Variants in UNC79 observed in about 807,000 individuals in gnomAD.
UNC79 encodes the protein protein unc-79 homolog.
A neutral mutation model predicts 283.1 loss-of-function variants in UNC79; 37 were observed. That is an observed-to-expected ratio of 0.13 (90% CI 0.10 to 0.17). The LOEUF (loss-of-function observed/expected upper bound fraction) is 0.17. Among genes scored for constraint, UNC79 ranks in the 10% least tolerant of loss-of-function variants. The probability of loss-of-function intolerance (pLI) is 1.00; values close to 1 mark genes in which losing one functional copy is unlikely to be tolerated. For missense variants in UNC79, 2,272 were observed against 3,211.1 expected (o/e 0.71, Z 7.07); for synonymous variants, 1,107 against 1,200.2 (o/e 0.92, Z 1.61).
At chr14:93,440,464 T>G (rs1397132746) in intron 1 of UNC79, among the ~76,000 whole-genome samples, 1 of 152,016 alleles carries the variant, frequency 6.6e-6, no homozygotes, top group Non-Finnish European at 1.5e-5. Context: ...TAATTTCTGA[T>G]TATTTTTTCC....
rs1407532759 is a variant in UNC79, at chr14:93,347,430, G to T, written c.-351+13907G>T. 5.5e-6 allele frequency: 8 copies of T among 1,446,234 alleles called. No individual in the cohort carries two copies. In the African/African-American group the frequency reaches 1.2e-4, roughly 21 times the overall value. 89.6% of individuals were successfully genotyped at this position (1,446,234 alleles called of 1,614,324 possible). Reference sequence around the variant, plus strand: ...GCCCAGCCATCATGGTGGGCGGGAAGCGCGTGGCCCTGGCGGGGCGCCCCG... The same window carrying T: ...GCCCAGCCATCATGGTGGGCGGGAATCGCGTGGCCCTGGCGGGGCGCCCCG... On this transcript the variant is annotated intron_variant, in intron 1 of 49. Transcript: ENST00000256339.
chr14:93,399,374 GA>G (rs1372993180), intron 1 of UNC79, among the ~76,000 whole-genome samples: 1 of 152,086 alleles, frequency 6.6e-6, no homozygotes, highest in Non-Finnish European at 1.5e-5. Context: ...TTTTAAATAG[GA>G]ATTCCGCCGA....
upstream of UNC79, among the ~76,000 whole-genome samples, chr14:93,427,493 C>G (rs1313697432): frequency 1.3e-5 from 2 of 152,050 alleles, no homozygotes; most frequent in East Asian, 3.8e-4. Flanking sequence ...TGTAATTACC[C>G]TATCTAAAAT....
exon 1 of UNC79, chr14:93,333,389 T>G (rs2053498867): frequency 2.5e-6 from 1 of 398,552 alleles, no homozygotes; most frequent in Admixed American, 4.4e-5. Flanking sequence ...CATGTTTCCG[T>G]TCGGCGGCCG....
At chr14:93,662,562 G>T (rs1459572321) in intron 39 of UNC79, 42 bp from the exon 43 acceptor site, 4 of 1,297,792 alleles carry the variant, frequency 3.1e-6, no homozygotes, top group Non-Finnish European at 4.4e-6. Context: ...TTGAAATGAA[G>T]TAATCAGCAA....
At chr14:93,435,712 A>G (rs998779529) in intron 1 of UNC79, among the ~76,000 whole-genome samples, 2 of 152,116 alleles carry the variant, frequency 1.3e-5, no homozygotes, top group African/African-American at 4.8e-5. Context: ...GTCTTCCTAA[A>G]CTTTTTACTC....
chr14:93,339,895 G>C (rs575118568), intron 1 of UNC79, among the ~76,000 whole-genome samples: 5 of 152,232 alleles, frequency 3.3e-5, no homozygotes, highest in Non-Finnish European at 4.4e-5. Flanking sequence ...CTGACTTGTG[G>C]ATTGGCTTGA....
chr14:93,365,867 T>G (rs1401353184), intron 1 of UNC79, among the ~76,000 whole-genome samples: 1 of 152,006 alleles, frequency 6.6e-6, no homozygotes, highest in African/African-American at 2.4e-5. Context: ...GAGCTGGAAA[T>G]GATAAAAGGC....
At chr14:93,523,942 A>G (rs760523860) in intron 7 of UNC79, 36 bp from the exon 8 acceptor site, 21 of 1,609,042 alleles carry the variant, frequency 1.3e-5, no homozygotes, top group Middle Eastern at 1.6e-4. Context: ...AATAATTTCA[A>G]TGAGAAGTAT....
intron 30 of UNC79, 39 bp from the exon 33 acceptor site, chr14:93,630,762 A>G: frequency 6.4e-7 from 1 of 1,561,590 alleles, no homozygotes; most frequent in Non-Finnish European, 8.8e-7. Flanking sequence ...CTTGCTTTTA[A>G]TCAGTGTCCT....
In UNC79 at chr14:93,430,433, T is replaced by G. The variant is rs1674471602; in HGVS notation, c.-597T>G. ...TCCTCGCGCCCTCCGGCCCCGGCGCTCCAGCCCGCCCCGGATCCGCCTCCC... is the reference window on the plus strand; with the variant it reads ...TCCTCGCGCCCTCCGGCCCCGGCGCGCCAGCCCGCCCCGGATCCGCCTCCC... On this transcript the variant is annotated 5_prime_UTR_variant, in exon 1 of 49. Transcript: ENST00000555664. This position sits in a 1 kb window ranked among gnomAD's most constrained non-coding sequence, Gnocchi z 4.6. 1.3e-5 allele frequency: 2 copies of G among 152,928 alleles called. No homozygotes were observed. Among genetic ancestry groups the G allele is most frequent in the East Asian group, 1.9e-4 (1 of 5,164 alleles). The allele number at this position is 152,928 out of a possible 1,614,324, so 9.5% of individuals were successfully genotyped here.
intron 1 of UNC79, among the ~76,000 whole-genome samples, chr14:93,402,696 C>T (rs571632675): frequency 2.6e-5 from 4 of 152,068 alleles, no homozygotes; most frequent in East Asian, 3.9e-4. Context: ...ATTAGAGGTT[C>T]TGAAATATTA....
chr14:93,401,882 T>A (rs1004191162), intron 1 of UNC79, among the ~76,000 whole-genome samples: 1 of 151,384 alleles, frequency 6.6e-6, no homozygotes, highest in African/African-American at 2.4e-5. Context: ...AAGGGAAGAG[T>A]GAGCATAAGG....
At chr14:93,680,008 T>C (rs913130293) in intron 41 of UNC79, among the ~76,000 whole-genome samples, 2 of 152,174 alleles carry the variant, frequency 1.3e-5, no homozygotes, top group Non-Finnish European at 2.9e-5. Flanking sequence ...GATGTAAAAA[T>C]ATGCTGGATG....
In UNC79 at chr14:93,433,548, A is replaced by AT. The variant is rs879852595; in HGVS notation, c.22+2508dup. On this transcript the variant is annotated intron_variant, in intron 1 of 48. Transcript: ENST00000555664. Reference sequence around the variant, plus strand: ...GAGCAAGAGAAGGAAAGGTCAGGGAATTTTTTTTTTTCTTCTACTGGGTGT... The same window carrying AT: ...GAGCAAGAGAAGGAAAGGTCAGGGAATTTTTTTTTTTTCTTCTACTGGGTGT... 2.1e-4 allele frequency among the ~76,000 whole-genome samples: 31 copies of AT among 149,138 alleles called. No homozygotes were observed. In the East Asian group the frequency reaches 2.8e-3, roughly 13 times the overall value.
intron 24 of UNC79, among the ~76,000 whole-genome samples, chr14:93,600,253 C>T (rs929216028): frequency 2.0e-5 from 3 of 152,050 alleles, no homozygotes; most frequent in Non-Finnish European, 4.4e-5. Context: ...AACCCAGATG[C>T]ATTGACTTGA....
chr14:93,368,805 A>G (rs2054386393), intron 1 of UNC79, among the ~76,000 whole-genome samples: 1 of 152,244 alleles, frequency 6.6e-6, no homozygotes, highest in East Asian at 1.9e-4. Flanking sequence ...TGGAAAAGCT[A>G]TTAAGACACA....
chr14:93,347,679 C>A (rs191598734), intron 1 of UNC79, among the ~76,000 whole-genome samples: 9 of 152,122 alleles, frequency 5.9e-5, no homozygotes, highest in Non-Finnish European at 1.3e-4. Flanking sequence ...TTACCGGCAC[C>A]TGGCTCGGGG....
At chr14:93,388,389 C>A (rs887061976) in intron 1 of UNC79, among the ~76,000 whole-genome samples, 4 of 152,204 alleles carry the variant, frequency 2.6e-5, no homozygotes, top group African/African-American at 9.7e-5. Flanking sequence ...TTCTCCCTTT[C>A]TTCCTTCAGA....
Sources: allele counts gnomAD v4.1 joint callset (sites outside exome capture counted in the v4.1 genomes callset), GRCh38; gene constraint gnomAD v4.1.1; non-coding constraint Gnocchi (gnomAD v3.1); transcripts MANE v1.5; gene names NCBI Gene and HGNC (gene_info 2026-07-23, HGNC 2026-07-21).